The following ARHGEF26 variants were observed in gnomAD, a reference collection of about 807,000 sequenced individuals.
The protein encoded by ARHGEF26 is Rho guanine nucleotide exchange factor 26.
ARHGEF26 carries 59 observed loss-of-function variants against 89.4 expected under a neutral mutation model. The observed-to-expected ratio is 0.66, with a 90% CI of 0.54 to 0.82. ARHGEF26 has a LOEUF of 0.82. Among genes scored for constraint, ARHGEF26 ranks in the 40% least tolerant of loss-of-function variants. The pLI is 0.00. For missense variants in ARHGEF26, 1,234 were observed against 1,085.6 expected (o/e 1.14, Z -1.92); for synonymous variants, 500 against 428.4 (o/e 1.17, Z -2.06).
At chr3:154,124,554 G>T in intron 3 of ARHGEF26, 105 bp downstream of exon 3, 1 of 1,008,464 alleles carries the variant, frequency 9.9e-7, no homozygotes, top group South Asian at 1.7e-5. Context: ...TGAGAAATAT[G>T]TCCAACTTCT....
intron 6 of ARHGEF26, among the ~76,000 whole-genome samples, chr3:154,156,396 A>G (rs1720341739): frequency 6.6e-6 from 1 of 152,144 alleles, no homozygotes; most frequent in Non-Finnish European, 1.5e-5. Flanking sequence ...TATTTAAAAA[A>G]GAAAACAGAT....
intron 6 of ARHGEF26, among the ~76,000 whole-genome samples, chr3:154,167,728 A>G (rs556831120): frequency 3.9e-5 from 6 of 152,336 alleles, no homozygotes; most frequent in East Asian, 3.9e-4. Context: ...TCTAGTTTGA[A>G]TGCATAATTC....
intron 6 of ARHGEF26, among the ~76,000 whole-genome samples, chr3:154,158,741 C>T (rs190816986): frequency 1.3e-5 from 2 of 152,192 alleles, no homozygotes; most frequent in African/African-American, 4.8e-5. Context: ...AGGCTTAATT[C>T]ATAACTAAAC....
intron 7 of ARHGEF26, among the ~76,000 whole-genome samples, chr3:154,190,370 G>A (rs71308478): frequency 0.027 from 4,115 of 152,258 alleles, 93 homozygotes; most frequent in Middle Eastern, 0.11. Context: ...TTAGCTGGGC[G>A]TCATGGCACA....
intron 12 of ARHGEF26, among the ~76,000 whole-genome samples, chr3:154,246,143 A>G (rs1417573873): frequency 2.6e-5 from 4 of 152,274 alleles, no homozygotes; most frequent in Admixed American, 2.0e-4. Flanking sequence ...TAGGTACTCT[A>G]ACTTAGGTGG....
chr3:154,230,337 G>T (rs573339657), intron 11 of ARHGEF26, among the ~76,000 whole-genome samples: 28 of 152,292 alleles, frequency 1.8e-4, no homozygotes, highest in Middle Eastern at 3.4e-3. Flanking sequence ...TCTTTTTCAA[G>T]GTCTTTCAGC....
intron 9 of ARHGEF26, among the ~76,000 whole-genome samples, chr3:154,210,169 G>T (rs1394862519): frequency 1.3e-5 from 2 of 152,122 alleles, no homozygotes; most frequent in African/African-American, 4.8e-5. Context: ...ACCCAGGGCA[G>T]GTCCAGAAAT....
At chr3:154,212,671 A>T (rs887523424) in intron 9 of ARHGEF26, among the ~76,000 whole-genome samples, 2 of 152,042 alleles carry the variant, frequency 1.3e-5, no homozygotes, top group African/African-American at 4.8e-5. Flanking sequence ...CAGGCATTAG[A>T]TTCTCATAAG....
chr3:154,142,592 C>T (rs563791396), intron 4 of ARHGEF26, among the ~76,000 whole-genome samples: 1 of 150,532 alleles, frequency 6.6e-6, no homozygotes, highest in East Asian at 2.0e-4. Context: ...CGCTGTTGTT[C>T]TAAGTAGCTT....
At chr3:154,147,217 C>T (rs1056221761) in intron 4 of ARHGEF26, among the ~76,000 whole-genome samples, 3 of 152,128 alleles carry the variant, frequency 2.0e-5, no homozygotes, top group Non-Finnish European at 4.4e-5. Context: ...CCAGCCTGAC[C>T]AACATGGTGA....
chr3:154,164,778 T>A (rs1164973785), intron 6 of ARHGEF26, among the ~76,000 whole-genome samples: 1 of 152,182 alleles, frequency 6.6e-6, no homozygotes, highest in Non-Finnish European at 1.5e-5. Flanking sequence ...ATATATTTGA[T>A]ACACACTACT....
intron 6 of ARHGEF26, among the ~76,000 whole-genome samples, chr3:154,172,475 G>A (rs1221922252): frequency 6.6e-6 from 1 of 152,168 alleles, no homozygotes; most frequent in Non-Finnish European, 1.5e-5. Context: ...CAGGTGGATT[G>A]CTTGAGGCCA....
In ARHGEF26 at chr3:154,253,113, T is replaced by C. The variant is rs1160049398; in HGVS notation, c.2301-3T>C. The C allele has an allele frequency of 6.2e-7, 1 of 1,613,864 alleles. No homozygotes were observed. The highest frequency in any genetic ancestry group is 2.2e-5 in the East Asian group (1 of 44,888). On this transcript the variant is annotated splice_polypyrimidine_tract_variant and splice_region_variant and intron_variant, in intron 12 of 14. Coordinates refer to ENST00000465093, the MANE Select transcript of ARHGEF26 (RefSeq NM_015595.4). ...TCTCAGTTGGATCTGCCCTCTGTTT[T>C]AGGAGCGAGCGAGCCCGCTGGATAA...
chr3:154,238,369 T>C (rs1717254362), intron 11 of ARHGEF26, among the ~76,000 whole-genome samples: 1 of 152,206 alleles, frequency 6.6e-6, no homozygotes, highest in African/African-American at 2.4e-5. Context: ...ACAATTAGGC[T>C]TGATCAGAAG....
chr3:154,223,629 C>G (rs2108257366), intron 10 of ARHGEF26, among the ~76,000 whole-genome samples: 1 of 152,208 alleles, frequency 6.6e-6, no homozygotes, highest in East Asian at 1.9e-4. Context: ...TATGACACAT[C>G]CAGTATAGAC....
Position 154,240,466 on chromosome 3 carries a change from C to T in ARHGEF26, c.2187C>T (p.Asn729=). The change falls in exon 12 of 15, where the codon AAC becomes AAT. Residue 729 remains asparagine, a synonymous_variant. Coordinates refer to ENST00000465093, the MANE Select transcript of ARHGEF26 (RefSeq NM_015595.4). ...AGCTTAATTCTTCTCCAGGGAAGAACAGCTCCACAATGCTCTATTCAAGAC... is the reference window on the plus strand; with the variant it reads ...AGCTTAATTCTTCTCCAGGGAAGAATAGCTCCACAATGCTCTATTCAAGAC... ...NEELNSSPGK[N]SSTMLYSRQS... 1 of 1,613,412 alleles carries T rather than the reference C, an allele frequency of 6.2e-7. No individual in the cohort carries two copies. Among genetic ancestry groups the T allele is most frequent in the Non-Finnish European group, 8.5e-7 (1 of 1,179,558 alleles).
At chr3:154,249,727 C>T (rs1576830502) in intron 12 of ARHGEF26, among the ~76,000 whole-genome samples, 1 of 152,186 alleles carries the variant, frequency 6.6e-6, no homozygotes, top group East Asian at 1.9e-4. Context: ...TAAGGCGAGT[C>T]TTCAAAGTTG....
chr3:154,226,435 G>A (rs1716492188), intron 11 of ARHGEF26, among the ~76,000 whole-genome samples: 1 of 152,104 alleles, frequency 6.6e-6, no homozygotes, highest in African/African-American at 2.4e-5. Flanking sequence ...AAAATGCACT[G>A]CTTTTAATGA....
intron 13 of ARHGEF26, among the ~76,000 whole-genome samples, chr3:154,254,195 G>A (rs1198058780): frequency 2.6e-5 from 4 of 152,236 alleles, no homozygotes; most frequent in Non-Finnish European, 4.4e-5. Flanking sequence ...GATTACAGGC[G>A]TGAGCCACCG....
Sources: allele counts gnomAD v4.1 joint callset (sites outside exome capture counted in the v4.1 genomes callset), GRCh38; gene constraint gnomAD v4.1.1; transcripts MANE v1.5; gene names NCBI Gene and HGNC (gene_info 2026-07-23, HGNC 2026-07-21).